CHD1L: variants seen among roughly 807,000 people sequenced by gnomAD.
CHD1L encodes chromodomain helicase DNA binding protein 1 like, also known as ATP-dependent chromatin remodeler CHD1L.
A neutral mutation model predicts 115.9 loss-of-function variants in CHD1L; 118 were observed. That is an observed-to-expected ratio of 1.02 (90% CI 0.88 to 1.19). CHD1L has a LOEUF of 1.19. Ranked by LOEUF, CHD1L falls within the 50% of genes most tolerant of loss-of-function variation. The pLI is 0.00. For synonymous variants in CHD1L, 411 were observed against 387.1 expected (o/e 1.06, Z -0.72); for missense variants, 1,179 against 1,065.3 (o/e 1.11, Z -1.49).
intron 13 of CHD1L, 55 bp from the exon 14 acceptor site, chr1:147,276,049 T>A: frequency 6.4e-7 from 1 of 1,558,964 alleles, no homozygotes; most frequent in Non-Finnish European, 8.8e-7. Context: ...TTGCATACTT[T>A]TGCCCAGCTT....
At chr1:147,177,656 G>A in the CHD1L span, among the ~76,000 whole-genome samples, 2 of 152,082 alleles carry the variant, frequency 1.3e-5, no homozygotes, top group Non-Finnish European at 2.9e-5. Flanking sequence ...GAAACTCATT[G>A]CCCCAGCCTA....
chr1:147,204,950 C>A, the CHD1L span: 3 of 1,479,302 alleles, frequency 2.0e-6, no homozygotes, highest in Non-Finnish European at 2.8e-6. Flanking sequence ...CTGCAGGAAG[C>A]CGTTCACGTG....
intron 20 of CHD1L, among the ~76,000 whole-genome samples, chr1:147,293,344 G>GC (rs1686303946): frequency 6.6e-6 from 1 of 151,808 alleles, no homozygotes; most frequent in Non-Finnish European, 1.5e-5. Context: ...CTTTTGGAAA[G>GC]TATATGTTTT....
chr1:147,198,968 A>C, the CHD1L span, among the ~76,000 whole-genome samples: 1 of 151,842 alleles, frequency 6.6e-6, no homozygotes, highest in Admixed American at 6.6e-5. Context: ...TGTGATCCAG[A>C]GATTTGGTGT....
At chr1:147,241,595 G>T (rs1271362481), upstream of CHD1L, among the ~76,000 whole-genome samples, 2 of 152,160 alleles carry the variant, frequency 1.3e-5, no homozygotes, top group Non-Finnish European at 2.9e-5. Flanking sequence ...GGACGCGCAT[G>T]AAAGTCAGTA....
rs1678002299 is a variant in CHD1L at position 147,275,444 on chromosome 1, G to A, written c.1361G>A (p.Arg454Lys). The change falls in exon 13 of 23, where the codon AGG becomes AAG. Residue 454 changes from arginine to lysine, a missense_variant. Transcript: ENST00000369258. Reference protein sequence around the residue: ...NPQNDLQAAARAHRIGQNKSV... With the variant: ...NPQNDLQAAAKAHRIGQNKSV... ...CAGAATGACTTGCAAGCAGCTGCCA[G>A]GGCTCATCGCATTGGCCAAAACAAG... The A allele has an allele frequency of 1.2e-6, 2 of 1,613,910 alleles. No homozygotes were observed. Among genetic ancestry groups the A allele is most frequent in the Non-Finnish European group, 1.7e-6 (2 of 1,179,920 alleles).
intron 11 of CHD1L, 55 bp from the exon 12 acceptor site, chr1:147,272,116 C>T: frequency 6.8e-7 from 1 of 1,471,600 alleles, no homozygotes; most frequent in Non-Finnish European, 9.3e-7. Flanking sequence ...TTTTTTATTC[C>T]CCAAAGACTA....
chr1:147,229,913 A>T, the CHD1L span, among the ~76,000 whole-genome samples: 1 of 151,562 alleles, frequency 6.6e-6, no homozygotes, highest in South Asian at 2.1e-4. Flanking sequence ...TTTTGGGCTG[A>T]GACAATGGGG....
intron 6 of CHD1L, among the ~76,000 whole-genome samples, chr1:147,263,524 T>G (rs587659443): frequency 6.6e-6 from 1 of 152,292 alleles, no homozygotes; most frequent in Admixed American, 6.5e-5. Context: ...CTTGTGAATG[T>G]CAGTTTAGAG....
intron 19 of CHD1L, among the ~76,000 whole-genome samples, chr1:147,289,005 A>G (rs1417618568): frequency 6.6e-6 from 1 of 152,148 alleles, no homozygotes; most frequent in Non-Finnish European, 1.5e-5. Context: ...TTCCTTAGAT[A>G]TTGTTTTTTC....
At chr1:147,269,542 G>A (rs1346069919) in intron 10 of CHD1L, among the ~76,000 whole-genome samples, 6 of 151,764 alleles carry the variant, frequency 4.0e-5, no homozygotes, top group Admixed American at 3.9e-4. Context: ...GGTGGCAGGC[G>A]CCTGTAGTCC....
chr1:147,280,044 T>G lies in CHD1L; in HGVS notation c.1558T>G (p.Phe520Val). The change falls in exon 15 of 23, where the codon TTT (phenylalanine) becomes GTT (valine). Residue 520 changes from phenylalanine to valine, a missense_variant. Physicochemically the swap from Phe to Val is conservative, Grantham distance 50. Coordinates refer to ENST00000369258, the MANE Select transcript of CHD1L (RefSeq NM_004284.6). ...ATTCAAGTTGAGTGAGATACTCAAA[T>G]TTGGTTTGGATAAACTGCTGGCCTC... ...ADLQLSEILK[F>V]GLDKLLASEG... is the part of the protein sequence containing the mutation. 4 of 1,613,994 alleles carry G rather than the reference T, an allele frequency of 2.5e-6. No homozygotes were observed. Among genetic ancestry groups the G allele is most frequent in the Non-Finnish European group, 3.4e-6 (4 of 1,180,010 alleles).
At chr1:147,201,608 C>T in the CHD1L span, 1 of 777,732 alleles carries the variant, frequency 1.3e-6, no homozygotes, top group Non-Finnish European at 2.1e-6. Flanking sequence ...TGCCAATAAT[C>T]TTCCCCTTGG....
chr1:147,186,420 T>C, the CHD1L span: 2 of 905,530 alleles, frequency 2.2e-6, no homozygotes, highest in East Asian at 2.4e-4. Context: ...TGTAGGAACA[T>C]TATTTCTCTT....
At chr1:147,249,873 G>T (rs1458058460) in intron 1 of CHD1L, among the ~76,000 whole-genome samples, 1 of 152,062 alleles carries the variant, frequency 6.6e-6, no homozygotes, top group African/African-American at 2.4e-5. Flanking sequence ...TGGTAGTCCT[G>T]AAGGTCCCGG....
chr1:147,233,165 G>A, the CHD1L span, among the ~76,000 whole-genome samples: 20 of 151,888 alleles, frequency 1.3e-4, no homozygotes, highest in Admixed American at 1.3e-3. Flanking sequence ...CGTCTGGGAG[G>A]TGAAGAACGT....
upstream of CHD1L, among the ~76,000 whole-genome samples, chr1:147,239,874 A>G (rs1664715336): frequency 6.6e-6 from 1 of 152,234 alleles, no homozygotes. Context: ...GTCTACTGGT[A>G]GAATCTAGAG....
chr1:147,248,578 A>G (rs1667371970), intron 1 of CHD1L, among the ~76,000 whole-genome samples: 1 of 152,188 alleles, frequency 6.6e-6, no homozygotes, highest in Non-Finnish European at 1.5e-5. Flanking sequence ...GTTTGAGCTT[A>G]ACTCTGCCAT....
chr1:147,261,161 T>G (rs587614672), intron 6 of CHD1L, among the ~76,000 whole-genome samples: 1 of 152,308 alleles, frequency 6.6e-6, no homozygotes, highest in East Asian at 1.9e-4. Context: ...CCTGGTGTCC[T>G]TTGCTTTCTT....
Sources: gnomAD v4.1 joint callset for allele counts (sites outside exome capture counted in the v4.1 genomes callset) on GRCh38, gnomAD v4.1.1 for gene constraint, MANE v1.5 for transcripts, NCBI Gene and HGNC (gene_info 2026-07-23, HGNC 2026-07-21) for gene names.